Variants in SIPA1L1 observed in about 807,000 individuals in gnomAD.
The protein encoded by SIPA1L1 is signal induced proliferation associated 1 like 1, also known as signal-induced proliferation-associated 1-like protein 1.
In SIPA1L1, 26 loss-of-function variants were observed where a neutral mutation model predicts 162.7. The observed-to-expected ratio is 0.16, with a 90% CI of 0.12 to 0.22. The LOEUF is 0.22. SIPA1L1 is among the 10% of genes least tolerant of loss of function. The pLI is 1.00. For missense variants in SIPA1L1, 1,874 were observed against 2,241.0 expected, an observed-to-expected ratio of 0.84 and a Z score of 3.31; for synonymous variants, 829 against 837.4, an observed-to-expected ratio of 0.99 and a Z score of 0.17.
chr14:71,353,097 C>T (rs942470251), intron 2 of SIPA1L1, among the ~76,000 whole-genome samples: 3 of 152,130 alleles, frequency 2.0e-5, no homozygotes, highest in Non-Finnish European at 4.4e-5. Context: ...AATTATATGT[C>T]AATAAATAAA....
chr14:71,587,606 G>C lies in SIPA1L1; in HGVS notation c.-267G>C. On this transcript the variant is annotated 5_prime_UTR_variant, in exon 5 of 24. Transcript: ENST00000381232. The stretch of plus-strand genomic sequence containing the variant: ...GGATTATGGCAACCACAGAATCTCA[G>C]TAGTACAAGTTCCATTCAGTTTTTT... 2 of 447,364 alleles carry C rather than the reference G, an allele frequency of 4.5e-6. No homozygotes were observed. Among genetic ancestry groups the C allele is most frequent in the South Asian group, 1.3e-4 (2 of 15,244 alleles). 27.7% of individuals were successfully genotyped at this position (447,364 alleles called of 1,614,324 possible).
At chr14:71,490,042 T>C (rs2049112251) in intron 2 of SIPA1L1, among the ~76,000 whole-genome samples, 2 of 152,234 alleles carry the variant, frequency 1.3e-5, no homozygotes, top group Non-Finnish European at 2.9e-5. Flanking sequence ...TAAACAGATA[T>C]GTTAATAGGG....
intron 7 of SIPA1L1, among the ~76,000 whole-genome samples, chr14:71,628,437 C>T (rs1229597805): frequency 6.6e-6 from 1 of 152,222 alleles, no homozygotes; most frequent in Non-Finnish European, 1.5e-5. Flanking sequence ...TAGCCCTTTA[C>T]ATACATTATC....
chr14:71,641,378 C>T (rs1369284737), intron 7 of SIPA1L1, among the ~76,000 whole-genome samples: 1 of 151,434 alleles, frequency 6.6e-6, no homozygotes, highest in Non-Finnish European at 1.5e-5. Context: ...TGGAAAAATA[C>T]CTTTAAAGAA....
chr14:71,607,886 G>A (rs992981143), intron 5 of SIPA1L1, among the ~76,000 whole-genome samples: 1 of 152,070 alleles, frequency 6.6e-6, no homozygotes, highest in Non-Finnish European at 1.5e-5. Flanking sequence ...TGGCATTCTC[G>A]AAACAAAGGG....
intron 4 of SIPA1L1, among the ~76,000 whole-genome samples, chr14:71,569,190 T>A (rs557868947): frequency 3.3e-5 from 5 of 152,278 alleles, no homozygotes; most frequent in African/African-American, 7.2e-5. Context: ...AGGAGCAGAT[T>A]TGAATGATCA....
At chr14:71,469,250 A>G (rs1475828683) in intron 2 of SIPA1L1, among the ~76,000 whole-genome samples, 2 of 152,192 alleles carry the variant, frequency 1.3e-5, no homozygotes, top group Non-Finnish European at 2.9e-5. Context: ...AAGCCCCAGC[A>G]TCCCCAGCAT....
At chr14:71,738,926 A>C in intron 23 of SIPA1L1, 92 bp from the exon 24 acceptor site, 1 of 1,421,724 alleles carries the variant, frequency 7.0e-7, no homozygotes, top group East Asian at 2.3e-5. Flanking sequence ...AAATGGACAA[A>C]AGATCAAAAC....
intron 2 of SIPA1L1, among the ~76,000 whole-genome samples, chr14:71,489,404 T>G (rs2049045526): frequency 6.6e-6 from 1 of 152,242 alleles, no homozygotes; most frequent in Non-Finnish European, 1.5e-5. Flanking sequence ...GATGAGAGAT[T>G]ATTCGTTATA....
intron 3 of SIPA1L1, among the ~76,000 whole-genome samples, chr14:71,527,887 T>C (rs1160845094): frequency 6.6e-6 from 1 of 152,182 alleles, no homozygotes; most frequent in African/African-American, 2.4e-5. Flanking sequence ...TTCTTATCTT[T>C]CCTTTTTTTT....
At chr14:71,503,608 C>T (rs953990287) in intron 2 of SIPA1L1, among the ~76,000 whole-genome samples, 3 of 151,964 alleles carry the variant, frequency 2.0e-5, no homozygotes, top group African/African-American at 7.3e-5. Flanking sequence ...TTTAATGTTT[C>T]TAGACAACCC....
intron 4 of SIPA1L1, among the ~76,000 whole-genome samples, chr14:71,579,513 G>A (rs907983598): frequency 6.6e-6 from 1 of 152,196 alleles, no homozygotes; most frequent in African/African-American, 2.4e-5. Flanking sequence ...GAGTCCTGCT[G>A]TCTTAGATCC....
chr14:71,424,649 C>G (rs1286611561), intron 2 of SIPA1L1, among the ~76,000 whole-genome samples: 1 of 152,012 alleles, frequency 6.6e-6, no homozygotes, highest in Non-Finnish European at 1.5e-5. Flanking sequence ...AATCCTTTTA[C>G]TATGCTGCTG....
intron 2 of SIPA1L1, among the ~76,000 whole-genome samples, chr14:71,339,498 G>T (rs1439102337): frequency 6.6e-6 from 1 of 151,890 alleles, no homozygotes; most frequent in Non-Finnish European, 1.5e-5. Flanking sequence ...GAGTAGCTGG[G>T]ATTACAGGCA....
intron 2 of SIPA1L1, among the ~76,000 whole-genome samples, chr14:71,355,913 C>T (rs542285776): frequency 1.3e-5 from 2 of 152,072 alleles, no homozygotes; most frequent in East Asian, 1.9e-4. Flanking sequence ...AAGAGTTATT[C>T]TAGTAGTGTA....
rs1555410027 is a variant in SIPA1L1, at chr14:71,385,683, A to ATTC, written c.-465+64505_-465+64507dup. Among the ~76,000 whole-genome samples the ATTC allele has an allele frequency of 8.8e-5, 12 of 137,002 alleles. No individual in the cohort carries two copies. In the Admixed American group the frequency reaches 8.8e-4, roughly 10 times the overall value. 89.9% of individuals were successfully genotyped at this position (137,002 alleles called of 152,430 possible). ...AGAGATGCTTTACTTTCTTTTGTAC[A>ATTC]TTCTTTTTTTTTTTTTTTTTTTTGA... On this transcript the variant is annotated intron_variant, in intron 2 of 23. Coordinates refer to ENST00000381232, the MANE Select transcript of SIPA1L1 (RefSeq NM_001386936.1).
intron 2 of SIPA1L1, among the ~76,000 whole-genome samples, chr14:71,423,948 T>A (rs951590556): frequency 2.0e-5 from 3 of 152,168 alleles, no homozygotes; most frequent in African/African-American, 7.2e-5. Flanking sequence ...TGGAAAGTGC[T>A]TCTATTTATT....
intron 2 of SIPA1L1, among the ~76,000 whole-genome samples, chr14:71,357,234 A>T (rs1011188572): frequency 3.3e-5 from 5 of 152,064 alleles, no homozygotes; most frequent in African/African-American, 1.2e-4. Flanking sequence ...TATAATTTTT[A>T]ATAGATGGCT....
intron 2 of SIPA1L1, among the ~76,000 whole-genome samples, chr14:71,421,923 G>A (rs2043214316): frequency 6.6e-6 from 1 of 152,168 alleles, no homozygotes; most frequent in African/African-American, 2.4e-5. Flanking sequence ...GCAAGAAGGG[G>A]ACTCATAATT....
Sources: gnomAD v4.1 joint callset for allele counts (sites outside exome capture counted in the v4.1 genomes callset) on GRCh38, gnomAD v4.1.1 for gene constraint, MANE v1.5 for transcripts, NCBI Gene and HGNC (gene_info 2026-07-23, HGNC 2026-07-21) for gene names.